Variants in SLC20A2 observed in about 807,000 individuals in gnomAD.
SLC20A2 encodes sodium-dependent phosphate transporter 2.
SLC20A2 carries 30 observed loss-of-function variants against 61.0 expected under a neutral mutation model. The ratio of observed to expected loss-of-function variants is 0.49; its 90% CI spans 0.37 to 0.67. The LOEUF (loss-of-function observed/expected upper bound fraction) is 0.67. Among genes scored for constraint, SLC20A2 ranks in the 30% least tolerant of loss-of-function variants. The probability of loss-of-function intolerance (pLI) is 0.00; values close to 1 mark genes in which losing one functional copy is unlikely to be tolerated. For missense variants in SLC20A2, 626 were observed against 866.4 expected (o/e 0.72, Z 3.48); for synonymous variants, 351 against 353.3 (o/e 0.99, Z 0.07).
intron 5 of SLC20A2, among the ~76,000 whole-genome samples, chr8:42,446,393 C>T (rs908527740): frequency 1.3e-5 from 2 of 152,192 alleles, no homozygotes; most frequent in African/African-American, 2.4e-5. Context: ...TTCATATGTG[C>T]ACAACTTGAA....
Position 42,451,541 on chromosome 8 carries a change from G to A in SLC20A2, c.614-6779C>T, listed in dbSNP as rs535787552. Among the ~76,000 whole-genome samples, 19 of 146,946 alleles carry A rather than the reference G, an allele frequency of 1.3e-4. No individual in the cohort carries two copies. In the South Asian group the frequency reaches 4.1e-3, roughly 31 times the overall value. On this transcript the variant is annotated intron_variant, in intron 5 of 10. Transcript: ENST00000520262. ...AGGAGGAGAAGGAAGAGATGAAAGA[G>A]GAGGAAAAGATGGAGGAGGAAGAGG...
Position 42,430,205 on chromosome 8 carries a change from T to G in SLC20A2, c.1568A>C (p.Gln523Pro), listed in dbSNP as rs766155599. 1 of 1,613,718 alleles carries G rather than the reference T, an allele frequency of 6.2e-7. No individual in the cohort carries two copies. The highest frequency in any genetic ancestry group is 8.5e-7 in the Non-Finnish European group (1 of 1,179,910). ...PLVALWLIYK[Q>P]GGVTQEAATP... is the part of the protein sequence containing the mutation. ...AGCTGCTTCTTGCGTTACCCCGCCT[T>G]GTTTGTAAATCAGCCACAAGGCTAC... Residue 523 changes from glutamine to proline, a missense_variant, in exon 9 of 11, where the codon CAA (glutamine) becomes CCA (proline). Gln to Pro is a moderately conservative substitution (Grantham distance 76). This residue lies in a region of SLC20A2 where 138 missense variants were observed against 228.7 expected (regional missense o/e 0.60). Coordinates refer to ENST00000520262, the MANE Select transcript of SLC20A2 (RefSeq NM_001257180.2).
chr8:42,529,895 C>A (rs1017661865), intron 1 of SLC20A2, among the ~76,000 whole-genome samples: 1 of 152,096 alleles, frequency 6.6e-6, no homozygotes, highest in Non-Finnish European at 1.5e-5. Context: ...CTTATTTAAA[C>A]CTTTTGATTA....
At chr8:42,477,207 C>T (rs1030258482) in intron 1 of SLC20A2, among the ~76,000 whole-genome samples, 3 of 152,166 alleles carry the variant, frequency 2.0e-5, no homozygotes, top group Non-Finnish European at 4.4e-5. Context: ...TTGTGAGGAA[C>T]AAACTTAATT....
intron 3 of SLC20A2, among the ~76,000 whole-genome samples, chr8:42,464,845 T>C (rs1807028572): frequency 6.6e-6 from 1 of 151,812 alleles, no homozygotes; most frequent in Non-Finnish European, 1.5e-5. Flanking sequence ...CGTGGTGGCA[T>C]GTGCCTGTAA....
At chr8:42,485,695 C>T (rs1314035720) in intron 1 of SLC20A2, among the ~76,000 whole-genome samples, 1 of 144,946 alleles carries the variant, frequency 6.9e-6, no homozygotes. Flanking sequence ...CACCTGTAAT[C>T]CCAGCACTTT....
chr8:42,528,468 AAAAAG>A (rs1053122858), intron 1 of SLC20A2, among the ~76,000 whole-genome samples: 1 of 151,612 alleles, frequency 6.6e-6, no homozygotes, highest in Non-Finnish European at 1.5e-5. Flanking sequence ...TCTCAAAAAA[AAAAAG>A]AAAAGAAAAA....
chr8:42,518,609 T>C (rs1811463365), intron 1 of SLC20A2, among the ~76,000 whole-genome samples: 1 of 152,226 alleles, frequency 6.6e-6, no homozygotes, highest in Non-Finnish European at 1.5e-5. Context: ...TTGTTTTTTA[T>C]TCATCCGTGT....
chr8:42,531,977 CCTGG>C (rs1214028544), intron 1 of SLC20A2, among the ~76,000 whole-genome samples: 2 of 128,822 alleles, frequency 1.6e-5, no homozygotes, highest in African/African-American at 6.1e-5. Context: ...TGCCACCACG[CCTGG>C]CTAATTTTTT....
rs538014992 is a variant in SLC20A2, at chr8:42,447,634, G to A, written c.614-2872C>T. Among the ~76,000 whole-genome samples, 12 of 152,226 alleles carry A rather than the reference G, an allele frequency of 7.9e-5. No individual in the cohort carries two copies. In the South Asian group the frequency reaches 1.2e-3, roughly 16 times the overall value. ...TGGAGCTGCAGTGAGCCAAGATCACGCCACTGCACTCCAGCCTGGGCGACA... is the reference window on the plus strand; with the variant it reads ...TGGAGCTGCAGTGAGCCAAGATCACACCACTGCACTCCAGCCTGGGCGACA... On this transcript the variant is annotated intron_variant, in intron 5 of 10. Transcript: ENST00000520262.
rs547660392 is a variant in SLC20A2 at position 42,481,808 on chromosome 8, ATTCCTGC to A, written c.-264-9161_-264-9155del. On this transcript the variant is annotated intron_variant, in intron 1 of 10. Transcript: ENST00000520262. The stretch of plus-strand genomic sequence containing the variant: ...TTTGGCGTTTGGTTCTCTAGCTAAG[ATTCCTGC>A]TTCGGACCCTGAGGGTTCAGCCTTC... Among the ~76,000 whole-genome samples the A allele has an allele frequency of 4.8e-4, 73 of 152,198 alleles. No homozygotes were observed. The East Asian group carries it at 0.013, about 26-fold the overall frequency.
At chr8:42,539,106 C>A (rs903344862) in intron 1 of SLC20A2, among the ~76,000 whole-genome samples, 1 of 152,156 alleles carries the variant, frequency 6.6e-6, no homozygotes, top group Non-Finnish European at 1.5e-5. Flanking sequence ...CTCCCCTCCC[C>A]AAAGAGAAAA....
rs573032405 is a variant in SLC20A2, at chr8:42,432,759, T to A, written c.1524-2510A>T. ...GACCCTCCATCAGCAAAATAATGAATTGCTGAATGTTCACAGGATTGCTAG... is the reference window on the plus strand; with the variant it reads ...GACCCTCCATCAGCAAAATAATGAAATGCTGAATGTTCACAGGATTGCTAG... On this transcript the variant is annotated intron_variant, in intron 8 of 10. Coordinates refer to ENST00000520262, the MANE Select transcript of SLC20A2 (RefSeq NM_001257180.2). 2.6e-5 allele frequency among the ~76,000 whole-genome samples: 4 copies of A among 152,332 alleles called. No individual in the cohort carries two copies. The East Asian group carries it at 7.7e-4, about 29-fold the overall frequency.
At chr8:42,488,180 CT>C (rs35200743) in intron 1 of SLC20A2, among the ~76,000 whole-genome samples, 149 of 87,014 alleles carry the variant, frequency 1.7e-3, no homozygotes, top group African/African-American at 4.8e-3. Flanking sequence ...AATAATACTG[CT>C]TTTTTTTTTT....
At chr8:42,503,509 C>T (rs1006184240), upstream of SLC20A2, among the ~76,000 whole-genome samples, 2 of 152,092 alleles carry the variant, frequency 1.3e-5, no homozygotes, top group African/African-American at 4.8e-5. Flanking sequence ...TTTCTAGTAG[C>T]TGCTTTTAGA....
intron 8 of SLC20A2, among the ~76,000 whole-genome samples, chr8:42,431,885 A>C (rs1471456989): frequency 6.6e-6 from 1 of 152,234 alleles, no homozygotes; most frequent in Admixed American, 6.5e-5. Context: ...CCTACTGCTC[A>C]GAAAAAAATA....
intron 10 of SLC20A2, among the ~76,000 whole-genome samples, chr8:42,425,430 G>C (rs1320109612): frequency 6.6e-6 from 1 of 152,208 alleles, no homozygotes; most frequent in Non-Finnish European, 1.5e-5. Context: ...TATGTGATAT[G>C]AGAGAATAAG....
At chr8:42,510,815 A>G (rs1810988846) in intron 1 of SLC20A2, among the ~76,000 whole-genome samples, 1 of 152,142 alleles carries the variant, frequency 6.6e-6, no homozygotes, top group Non-Finnish European at 1.5e-5. Context: ...AAAATGACTC[A>G]ATGCACATAA....
chr8:42,507,792 T>C (rs1452949391), intron 1 of SLC20A2, among the ~76,000 whole-genome samples: 1 of 152,204 alleles, frequency 6.6e-6, no homozygotes. Flanking sequence ...AGGGAGTAAT[T>C]AGTAAGCATT....
Sources: gnomAD v4.1 joint callset for allele counts (sites outside exome capture counted in the v4.1 genomes callset) on GRCh38, gnomAD v4.1.1 for gene constraint, gnomAD v4.1.1 regional missense constraint, MANE v1.5 for transcripts, NCBI Gene and HGNC (gene_info 2026-07-23, HGNC 2026-07-21) for gene names.